The following SGCD variants were observed in gnomAD, a reference collection of about 807,000 sequenced individuals.
SGCD encodes delta-sarcoglycan.
Under a neutral mutation model 36.6 loss-of-function variants are expected in SGCD, and 18 were observed. The observed-to-expected ratio is 0.49, with a 90% CI of 0.34 to 0.73. SGCD has a LOEUF of 0.73. SGCD is among the 30% of genes least tolerant of loss of function. The probability of loss-of-function intolerance (pLI) is 0.01; values close to 1 mark genes in which losing one functional copy is unlikely to be tolerated. For synonymous variants in SGCD, 133 were observed against 130.6 expected (o/e 1.02, Z -0.12); for missense variants, 387 against 346.7 (o/e 1.12, Z -0.92).
In SGCD at chr5:156,327,638, G is replaced by A. The variant is rs543397006; in HGVS notation, c.-44+406G>A. 1.3e-5 allele frequency among the ~76,000 whole-genome samples: 2 copies of A among 152,238 alleles called. 1 individual carries two copies. The highest frequency in any genetic ancestry group is 4.2e-4 in the South Asian group (2 of 4,812). On this transcript the variant is annotated intron_variant, in intron 1 of 8. Coordinates refer to ENST00000337851, the MANE Select transcript of SGCD (RefSeq NM_000337.6). ...CTTCACTTCGCAAGAGTTTTAATGGGGAGTTTTTTGTTGTTGTTGTTTTTT... is the reference window on the plus strand; with the variant it reads ...CTTCACTTCGCAAGAGTTTTAATGGAGAGTTTTTTGTTGTTGTTGTTTTTT...
chr5:155,998,316 G>C (rs1200690196), intron 1 of SGCD, among the ~76,000 whole-genome samples: 1 of 152,078 alleles, frequency 6.6e-6, no homozygotes, highest in African/African-American at 2.4e-5. Context: ...TGCACATTAT[G>C]TACCTGTAGT....
intron 1 of SGCD, among the ~76,000 whole-genome samples, chr5:156,081,538 T>C (rs1760952814): frequency 6.6e-6 from 1 of 152,026 alleles, no homozygotes; most frequent in African/African-American, 2.4e-5. Context: ...GGACTACAGG[T>C]GCATGCTACC....
At chr5:156,536,118 A>G (rs903120661) in intron 4 of SGCD, among the ~76,000 whole-genome samples, 4 of 152,066 alleles carry the variant, frequency 2.6e-5, no homozygotes, top group Non-Finnish European at 5.9e-5. Context: ...CCATATCAAC[A>G]TCTTGTTGCT....
chr5:155,749,673 A>G, the SGCD span, among the ~76,000 whole-genome samples: 122,552 of 152,188 alleles, frequency 0.81, 50,248 homozygotes, highest in African/African-American at 0.94. Flanking sequence ...GGCTGACTGC[A>G]AGAGATTCCT....
intron 3 of SGCD, among the ~76,000 whole-genome samples, chr5:156,350,931 G>GT (rs1214782564): frequency 5.3e-5 from 8 of 152,134 alleles, no homozygotes; most frequent in African/African-American, 1.7e-4. Context: ...AAACGCTGGT[G>GT]TTTGACTTCC....
chr5:155,773,523 G>A, the SGCD span, among the ~76,000 whole-genome samples: 1 of 152,050 alleles, frequency 6.6e-6, no homozygotes, highest in African/African-American at 2.4e-5. Flanking sequence ...TACCTGTGAT[G>A]TTCTAGGCCT....
chr5:156,689,935 A>G (rs1168500341), intron 7 of SGCD, among the ~76,000 whole-genome samples: 1 of 152,222 alleles, frequency 6.6e-6, no homozygotes, highest in African/African-American at 2.4e-5. Context: ...TGTAGAATAC[A>G]GCTTATGTCT....
At chr5:155,780,996 T>C in the SGCD span, among the ~76,000 whole-genome samples, 1 of 151,790 alleles carries the variant, frequency 6.6e-6, no homozygotes, top group South Asian at 2.1e-4. Flanking sequence ...TGCTGTCTTA[T>C]TTTTCCCCTG....
the SGCD span, among the ~76,000 whole-genome samples, chr5:155,824,767 C>T: frequency 6.6e-6 from 1 of 152,160 alleles, no homozygotes; most frequent in East Asian, 1.9e-4. Flanking sequence ...AGGTTGTAAA[C>T]ATACACAGGC....
At chr5:156,228,641 G>GT (rs760995102) in intron 3 of SGCD, among the ~76,000 whole-genome samples, 1 of 152,108 alleles carries the variant, frequency 6.6e-6, no homozygotes, top group Non-Finnish European at 1.5e-5. Context: ...TACATTCAAT[G>GT]TTAGTATTGA....
intron 5 of SGCD, among the ~76,000 whole-genome samples, chr5:156,592,013 A>G (rs373808028): frequency 3.0e-4 from 46 of 152,296 alleles, no homozygotes; most frequent in Middle Eastern, 6.8e-3. Flanking sequence ...CCTGAAAAGC[A>G]AGATAGCTTA....
the SGCD span, among the ~76,000 whole-genome samples, chr5:155,777,132 T>C: frequency 1.3e-5 from 2 of 152,250 alleles, no homozygotes; most frequent in African/African-American, 4.8e-5. Flanking sequence ...TTGATGATCT[T>C]TTGCAGCCTT....
intron 1 of SGCD, among the ~76,000 whole-genome samples, chr5:155,908,238 T>G (rs1489439446): frequency 1.3e-5 from 2 of 152,156 alleles, no homozygotes; most frequent in Non-Finnish European, 2.9e-5. Context: ...CTCACTTTGT[T>G]GCAAATTTGC....
At chr5:156,042,427 C>T (rs1759662071) in intron 1 of SGCD, among the ~76,000 whole-genome samples, 1 of 152,168 alleles carries the variant, frequency 6.6e-6, no homozygotes, top group African/African-American at 2.4e-5. Flanking sequence ...ACCCAACAAG[C>T]TCATTTTGCC....
chr5:155,942,858 G>A (rs1757358192), intron 1 of SGCD, among the ~76,000 whole-genome samples: 1 of 152,120 alleles, frequency 6.6e-6, no homozygotes, highest in African/African-American at 2.4e-5. Flanking sequence ...TAGCAGCAAG[G>A]ATTTTAAAAC....
intron 3 of SGCD, among the ~76,000 whole-genome samples, chr5:156,459,621 G>A (rs563274403): frequency 2.8e-4 from 42 of 152,180 alleles, no homozygotes; most frequent in African/African-American, 9.9e-4. Flanking sequence ...ATTTATTAGC[G>A]CTTTGATAAG....
At position 156,249,717 on chromosome 5, in the gene SGCD, TA is replaced by T. The variant is rs5872456; in HGVS notation, c.-43-79803del. The stretch of plus-strand genomic sequence containing the variant: ...AAACAATTACTTCATAAGGTTATTG[TA>T]AAAAAAAAAAAAAGTGTGTGTATTA... On this transcript the variant is annotated intron_variant, in intron 3 of 9. Transcript: ENST00000517913. Among the ~76,000 whole-genome samples the T allele has an allele frequency of 4.2e-3, 600 of 144,104 alleles. 1 individual carries two copies. The highest frequency in any genetic ancestry group is 8.2e-3 in the African/African-American group (323 of 39,248). 94.5% of individuals were successfully genotyped at this position (144,104 alleles called of 152,430 possible). A position where few individuals can be genotyped will look rare whatever the true frequency, so the allele number is the denominator to read the frequency against.
chr5:156,147,401 A>G (rs1239815614), intron 3 of SGCD, among the ~76,000 whole-genome samples: 1 of 152,202 alleles, frequency 6.6e-6, no homozygotes, highest in East Asian at 1.9e-4. Flanking sequence ...AAAAGAGTTC[A>G]TAGTCTTAGG....
rs185883766 is a variant in SGCD, at chr5:156,530,483, C to T, written c.294+21781C>T. Among the ~76,000 whole-genome samples, 465 of 152,182 alleles carry T rather than the reference C, an allele frequency of 3.1e-3. 4 individuals carry two copies. Among genetic ancestry groups the T allele is most frequent in the African/African-American group, 9.6e-3 (399 of 41,534 alleles). Reference sequence around the variant, plus strand: ...TCTTTCACTTATTTCTTAGCATTCTCAATAGTTTTTTGTATTGTCTTGCCA... The same window carrying T: ...TCTTTCACTTATTTCTTAGCATTCTTAATAGTTTTTTGTATTGTCTTGCCA... On this transcript the variant is annotated intron_variant, in intron 4 of 8. Transcript: ENST00000337851.
Sources: allele counts gnomAD v4.1 joint callset (sites outside exome capture counted in the v4.1 genomes callset), GRCh38; gene constraint gnomAD v4.1.1; transcripts MANE v1.5; gene names NCBI Gene and HGNC (gene_info 2026-07-23, HGNC 2026-07-21).